Variants in GOLIM4 observed in about 807,000 individuals in gnomAD.
GOLIM4 encodes the protein golgi integral membrane protein 4.
Under a neutral mutation model 107.4 loss-of-function variants are expected in GOLIM4, and 71 were observed. The ratio of observed to expected loss-of-function variants is 0.66; its 90% CI spans 0.55 to 0.81. GOLIM4 has a LOEUF of 0.81. Among genes scored for constraint, GOLIM4 ranks in the 30% least tolerant of loss-of-function variants. GOLIM4 has a pLI of 0.00. For synonymous variants in GOLIM4, 327 were observed against 294.8 expected (o/e 1.11, Z -1.12); for missense variants, 830 against 826.1 (o/e 1.00, Z -0.06).
chr3:168,018,069 T>C (rs995543259), intron 14 of GOLIM4, among the ~76,000 whole-genome samples: 3 of 152,316 alleles, frequency 2.0e-5, no homozygotes, highest in East Asian at 1.9e-4. Context: ...TTTAAGTCAC[T>C]TGAATGCATT....
chr3:168,086,560 T>C (rs1472110469), intron 1 of GOLIM4, among the ~76,000 whole-genome samples: 3 of 152,230 alleles, frequency 2.0e-5, no homozygotes, highest in Non-Finnish European at 4.4e-5. Context: ...ATCATTTCAA[T>C]GTTCTATAAT....
chr3:168,010,976 T>C (rs1234759631), intron 14 of GOLIM4, among the ~76,000 whole-genome samples, 153 bp from the exon 15 acceptor site: 1 of 152,218 alleles, frequency 6.6e-6, no homozygotes, highest in Non-Finnish European at 1.5e-5. Flanking sequence ...TTAAAGTAAA[T>C]ATACAATTGA....
At chr3:168,090,698 T>C (rs1323420481) in intron 1 of GOLIM4, among the ~76,000 whole-genome samples, 1 of 152,102 alleles carries the variant, frequency 6.6e-6, no homozygotes. Context: ...TAAATAATTA[T>C]ACAAAAAAGA....
intron 7 of GOLIM4, among the ~76,000 whole-genome samples, 177 bp downstream of exon 7, chr3:168,040,608 CA>C (rs1718930054): frequency 6.6e-6 from 1 of 152,142 alleles, no homozygotes; most frequent in African/African-American, 2.4e-5. Context: ...AAAAAATAAT[CA>C]AAAGTTTAAT....
At chr3:168,091,879 C>T (rs1197325075) in intron 1 of GOLIM4, among the ~76,000 whole-genome samples, 2 of 152,196 alleles carry the variant, frequency 1.3e-5, no homozygotes, top group Non-Finnish European at 2.9e-5. Flanking sequence ...CTTTTAATCA[C>T]ATACTCAGAT....
rs1716835572 is a variant in GOLIM4, at chr3:168,009,076, T to C, written c.*1193A>G. The C allele has an allele frequency of 6.6e-6, 1 of 152,120 alleles. No individual in the cohort carries two copies. The highest frequency in any genetic ancestry group is 6.5e-5 in the Admixed American group (1 of 15,282). 9.4% of individuals were successfully genotyped at this position (152,120 alleles called of 1,614,324 possible). On this transcript the variant is annotated 3_prime_UTR_variant, in exon 16 of 16. Transcript: ENST00000470487. ...ATATGAATTATATAACCTAGTGTTA[T>C]ATATTTAAAAATCTTTATGCTTGCA...
chr3:168,065,724 TG>T (rs1192119205), intron 1 of GOLIM4, among the ~76,000 whole-genome samples: 2 of 152,134 alleles, frequency 1.3e-5, no homozygotes, highest in Admixed American at 6.6e-5. Flanking sequence ...GACACAGAGG[TG>T]GAAGAATCCA....
chr3:168,095,621 C>T lies in GOLIM4; in HGVS notation c.-336G>A. 3.8e-6 allele frequency: 1 copy of T among 264,494 alleles called. No individual in the cohort carries two copies. Among genetic ancestry groups the T allele is most frequent in the Non-Finnish European group, 7.2e-6 (1 of 139,652 alleles). The allele number at this position is 264,494 out of a possible 1,614,324, so 16.4% of individuals were successfully genotyped here. A position where few individuals can be genotyped will look rare whatever the true frequency, so the allele number is the denominator to read the frequency against. On this transcript the variant is annotated 5_prime_UTR_variant, in exon 1 of 16. Transcript: ENST00000470487. The stretch of plus-strand genomic sequence containing the variant: ...TGCCTCCTGCCTTTTTTCCTTCTTC[C>T]CACTTTTTGGCCCCGCTGCCCCCGG...
chr3:168,060,973 G>A (rs928418331), intron 1 of GOLIM4, among the ~76,000 whole-genome samples: 3 of 152,182 alleles, frequency 2.0e-5, no homozygotes, highest in African/African-American at 7.2e-5. Flanking sequence ...ATCTGAGAAA[G>A]AGTAGAGGTT....
Position 168,068,980 on chromosome 3 carries a change from G to A in GOLIM4, c.188-20615C>T, listed in dbSNP as rs967555896. Among the ~76,000 whole-genome samples the A allele has an allele frequency of 2.6e-5, 4 of 152,108 alleles. No homozygotes were observed. The East Asian group carries it at 7.7e-4, about 29-fold the overall frequency. On this transcript the variant is annotated intron_variant, in intron 1 of 15. Transcript: ENST00000470487. ...GCCTCCTGAGTAGCTGGGATTACAG[G>A]AGAATGCCACCATGTCCGACTAATT...
chr3:168,048,393 T>C, intron 1 of GOLIM4, 28 bp from the exon 2 acceptor site: 3 of 1,103,474 alleles, frequency 2.7e-6, no homozygotes, highest in Non-Finnish European at 4.0e-6. Context: ...ATTTTTGTCT[T>C]CAAAGAATTA....
chr3:168,023,304 C>T (rs546923137), intron 14 of GOLIM4, among the ~76,000 whole-genome samples: 1 of 152,182 alleles, frequency 6.6e-6, no homozygotes, highest in Non-Finnish European at 1.5e-5. Context: ...CTCTGCTGCT[C>T]TCTTTCTGAC....
chr3:168,023,604 C>T (rs1717833187), intron 14 of GOLIM4, among the ~76,000 whole-genome samples: 1 of 152,202 alleles, frequency 6.6e-6, no homozygotes, highest in Admixed American at 6.5e-5. Context: ...ATATGTCCAT[C>T]CTCCCATGGG....
At chr3:168,011,096 A>G (rs1716987881) in intron 14 of GOLIM4, among the ~76,000 whole-genome samples, 1 of 152,186 alleles carries the variant, frequency 6.6e-6, no homozygotes, top group South Asian at 2.1e-4. Flanking sequence ...TGAGCGACGC[A>G]GAAGACAGTG....
chr3:168,072,062 G>A (rs1577564974), intron 1 of GOLIM4, among the ~76,000 whole-genome samples: 1 of 152,096 alleles, frequency 6.6e-6, no homozygotes. Flanking sequence ...GCCAAATTCT[G>A]GTACCACTCT....
In GOLIM4 at chr3:168,037,318, A is replaced by G. The variant is rs192731586; in HGVS notation, c.685-324T>C. On this transcript the variant is annotated intron_variant, in intron 7 of 15. Transcript: ENST00000470487. Reference sequence around the variant, plus strand: ...TTAAAAGACCGTTCTGTGATGTTTTATCATATTAAAAAATCCATTAAAAAC... The same window carrying G: ...TTAAAAGACCGTTCTGTGATGTTTTGTCATATTAAAAAATCCATTAAAAAC... Among the ~76,000 whole-genome samples, 26 of 152,294 alleles carry G rather than the reference A, an allele frequency of 1.7e-4. No individual in the cohort carries two copies. In the East Asian group the frequency reaches 3.7e-3, roughly 21 times the overall value.
chr3:168,068,932 G>A (rs890880121), intron 1 of GOLIM4, among the ~76,000 whole-genome samples: 2 of 151,784 alleles, frequency 1.3e-5, no homozygotes, highest in East Asian at 1.9e-4. Context: ...TACCTGCCGG[G>A]TTCAAGCGAT....
intron 1 of GOLIM4, among the ~76,000 whole-genome samples, chr3:168,048,598 C>T (rs1369759377): frequency 6.6e-6 from 1 of 152,180 alleles, no homozygotes; most frequent in African/African-American, 2.4e-5. Flanking sequence ...CTGAATGATG[C>T]TTCCACCTTC....
chr3:168,081,617 T>C (rs1721370738), intron 1 of GOLIM4, among the ~76,000 whole-genome samples: 1 of 152,158 alleles, frequency 6.6e-6, no homozygotes, highest in African/African-American at 2.4e-5. Flanking sequence ...AAACTGAGCA[T>C]TAATCCCACA....
Sources: allele counts gnomAD v4.1 joint callset (sites outside exome capture counted in the v4.1 genomes callset), GRCh38; gene constraint gnomAD v4.1.1; transcripts MANE v1.5; gene names NCBI Gene and HGNC (gene_info 2026-07-23, HGNC 2026-07-21).